Variants in FKBP8 observed in about 807,000 individuals in gnomAD.
FKBP8 encodes the protein peptidyl-prolyl cis-trans isomerase FKBP8.
In FKBP8, 5 loss-of-function variants were observed where a neutral mutation model predicts 41.7. The observed-to-expected ratio is 0.12, with a 90% CI of 0.06 to 0.25. The LOEUF (loss-of-function observed/expected upper bound fraction) is 0.25. Among genes scored for constraint, FKBP8 ranks in the 10% least tolerant of loss-of-function variants. FKBP8 has a pLI of 1.00. For synonymous variants in FKBP8, 279 were observed against 254.5 expected, an observed-to-expected ratio of 1.10 and a Z score of -0.92; for missense variants, 397 against 563.0, an observed-to-expected ratio of 0.71 and a Z score of 2.98.
rs755894944 is a variant in FKBP8, at chr19:18,532,252, T to G, written c.1159A>C (p.Ile387Leu). Residue 387 changes from isoleucine to leucine, a missense_variant, in exon 9 of 9, where the codon ATC becomes CTC. By Grantham distance (5) the Ile-to-Leu change is conservative. Coordinates refer to ENST00000608443, the MANE Select transcript of FKBP8 (RefSeq NM_012181.5). Reference sequence around the variant, plus strand: ...GCCCCAAACAGCCACTTCCATGGGATGGACTGTGGATAAAAAGGAGGGGAG... The same window carrying G: ...GCCCCAAACAGCCACTTCCATGGGAGGGACTGTGGATAAAAAGGAGGGGAG... ...AKCPGKGAWS[I>L]PWKWLFGATA... 4 of 1,604,140 alleles carry G rather than the reference T, an allele frequency of 2.5e-6. No individual in the cohort carries two copies. The highest frequency in any genetic ancestry group is 3.4e-6 in the Non-Finnish European group (4 of 1,176,064).
At chr19:18,534,578 T>G (rs969877235) in intron 6 of FKBP8, among the ~76,000 whole-genome samples, 8 of 137,556 alleles carry the variant, frequency 5.8e-5, no homozygotes, top group Non-Finnish European at 1.3e-4. Flanking sequence ...GAGGTTGTTG[T>G]TTTTTTTTTC....
chr19:18,543,323 C>A (rs1976753007), intron 1 of FKBP8, 163 bp downstream of exon 1: 1 of 118,136 alleles, frequency 8.5e-6, no homozygotes, highest in African/African-American at 3.2e-5. Flanking sequence ...CCCGGCCGCG[C>A]CCCCTCGGGC....
rs1008681600 is a variant in FKBP8 at position 18,538,211 on chromosome 19, G to C, written c.772+5C>G. 1.3e-6 allele frequency: 2 copies of C among 1,598,514 alleles called. No individual in the cohort carries two copies. The highest frequency in any genetic ancestry group is 1.7e-6 in the Non-Finnish European group (2 of 1,168,746). ...AGATGGTGGAGATCTGACCCAGGCG[G>C]TCACCTTTGGCGCTGGAGGTGATAG... On this transcript the variant is annotated splice_donor_5th_base_variant and intron_variant, in intron 5 of 8. Transcript: ENST00000608443. The surrounding 1 kb of genome is among the most constrained non-coding windows in gnomAD (Gnocchi z 4.0).
intron 1 of FKBP8, chr19:18,542,765 G>A: frequency 1.8e-6 from 1 of 552,526 alleles, no homozygotes; most frequent in Non-Finnish European, 3.0e-6. Context: ...ACATTCTACA[G>A]CCTCTTCCTT....
At chr19:18,535,746 G>C (rs1976558951) in intron 6 of FKBP8, among the ~76,000 whole-genome samples, 1 of 150,808 alleles carries the variant, frequency 6.6e-6, no homozygotes, top group African/African-American at 2.4e-5. Flanking sequence ...AAAAGGAGGG[G>C]GTAGAAGATG....
chr19:18,541,572 G>A (rs956865908), intron 2 of FKBP8, 107 bp downstream of exon 2: 68 of 1,473,542 alleles, frequency 4.6e-5, no homozygotes, highest in Middle Eastern at 4.0e-4. Flanking sequence ...TGGTGATCAC[G>A]GTGGTGACCA....
At chr19:18,540,437 C>T (rs558501187) in intron 2 of FKBP8, among the ~76,000 whole-genome samples, 1 of 152,094 alleles carries the variant, frequency 6.6e-6, no homozygotes, top group East Asian at 1.9e-4. Flanking sequence ...CCCATCTCTA[C>T]AAAAAATAAA....
intron 7 of FKBP8, 22 bp downstream of exon 7, chr19:18,533,248 A>C: frequency 6.5e-7 from 1 of 1,548,442 alleles, no homozygotes. Flanking sequence ...AGCAAGTCCC[A>C]GGGCACCCCT....
intron 4 of FKBP8, 69 bp downstream of exon 4, chr19:18,539,302 G>A (rs527399965): frequency 8.3e-5 from 115 of 1,389,860 alleles, no homozygotes; most frequent in African/African-American, 7.4e-4. Flanking sequence ...GGGGTGAGCC[G>A]AGGGGTACAC....
chr19:18,532,365 CTATG>C, intron 8 of FKBP8, 110 bp from the exon 9 acceptor site: 1 of 1,125,592 alleles, frequency 8.9e-7, no homozygotes, highest in Non-Finnish European at 1.3e-6. Flanking sequence ...CATTGCCTGA[CTATG>C]TATTTCCCAC....
Position 18,541,836 on chromosome 19 carries a change from TTCCTCCTCTTCC to T in FKBP8, c.123_134del (p.Glu43_Glu46del), listed in dbSNP as rs768417071. The T allele has an allele frequency of 8.7e-5, 140 of 1,613,318 alleles. 1 individual carries two copies. The South Asian group carries it at 9.6e-4, about 11-fold the overall frequency. ...GTGGCAGCTCACTCAGGTCATCCTC[TTCCTCCTCTTCC>T]TCCTCCTCTTCCTCCTCACCCTCTG... On this transcript the variant is annotated inframe_deletion, in exon 2 of 9. Transcript: ENST00000608443.
rs1163440455 is a variant in FKBP8 at position 18,532,387 on chromosome 19, C to T, written c.1156-132G>A. ...TGACTATGTATTTCCCACTTCCTGG[C>T]AAACTCCTACTCATGCAGCAAAACC... On this transcript the variant is annotated intron_variant, in intron 8 of 8. Transcript: ENST00000608443. 3 of 1,010,678 alleles carry T rather than the reference C, an allele frequency of 3.0e-6. No homozygotes were observed. The South Asian group carries it at 4.4e-5, about 15-fold the overall frequency. The allele number at this position is 1,010,678 out of a possible 1,614,324, so 62.6% of individuals were successfully genotyped here.
rs1976707784 is a variant in FKBP8 at position 18,541,760 on chromosome 19, C to A, written c.211G>T (p.Ala71Ser). Residue 71 changes from alanine (A) to serine (S), a missense_variant, in exon 2 of 9, where the codon GCC becomes TCC. Physicochemically the swap from Ala to Ser is moderately conservative, Grantham distance 99. Coordinates refer to ENST00000608443, the MANE Select transcript of FKBP8 (RefSeq NM_012181.5). Reference protein sequence around the residue: ...PPAEEAEQPGALAREFLAAME... With the variant: ...PPAEEAEQPGSLAREFLAAME... ...GCAGCAAGGAACTCTCGGGCCAGGG[C>A]CCCAGGCTGCTCAGCCTCCTCCGCC... 2 of 1,613,844 alleles carry A rather than the reference C, an allele frequency of 1.2e-6. No homozygotes were observed. The highest frequency in any genetic ancestry group is 1.7e-6 in the Non-Finnish European group (2 of 1,179,990).
chr19:18,533,005 A>AG lies in FKBP8; in HGVS notation c.1024-211dup. Reference sequence around the variant, plus strand: ...TGGCGCAGAGCACAAGGTAGCCAGGAGACAAAAGGTTCTGGAAGGAAGGCC... The same window carrying AG: ...TGGCGCAGAGCACAAGGTAGCCAGGAGGACAAAAGGTTCTGGAAGGAAGGCC... On this transcript the variant is annotated intron_variant, in intron 7 of 8. Coordinates refer to ENST00000608443, the MANE Select transcript of FKBP8 (RefSeq NM_012181.5). 3 of 835,474 alleles carry AG rather than the reference A, an allele frequency of 3.6e-6. No homozygotes were observed. The East Asian group carries it at 8.1e-5, about 23-fold the overall frequency. 51.8% of individuals were successfully genotyped at this position (835,474 alleles called of 1,614,324 possible).
At chr19:18,541,583 C>T (rs942964848) in intron 2 of FKBP8, 96 bp downstream of exon 2, 8 of 1,506,790 alleles carry the variant, frequency 5.3e-6, no homozygotes, top group East Asian at 2.3e-5. Flanking sequence ...GTGGTGACCA[C>T]GTGACTTCCA....
chr19:18,541,578 G>T (rs915408455), intron 2 of FKBP8, 101 bp downstream of exon 2: 1 of 1,492,360 alleles, frequency 6.7e-7, no homozygotes, highest in South Asian at 1.4e-5. Context: ...TCACGGTGGT[G>T]ACCACGTGAC....
chr19:18,533,649 A>G (rs964007025), intron 6 of FKBP8, among the ~76,000 whole-genome samples: 1 of 151,244 alleles, frequency 6.6e-6, no homozygotes, highest in Non-Finnish European at 1.5e-5. Flanking sequence ...AGTTGCAGTG[A>G]GCCGAGATCA....
intron 1 of FKBP8, chr19:18,542,935 A>AACC: frequency 1.7e-6 from 1 of 578,558 alleles, no homozygotes; most frequent in Non-Finnish European, 2.4e-6. Flanking sequence ...AGACCCTCCC[A>AACC]GCCCCCACCC....
intron 8 of FKBP8, 129 bp from the exon 9 acceptor site, chr19:18,532,384 T>C (rs542292147): frequency 2.1e-4 from 220 of 1,034,132 alleles, no homozygotes; most frequent in Non-Finnish European, 3.0e-4. Flanking sequence ...TCCCACTTCC[T>C]GGCAAACTCC....
Sources: gnomAD v4.1 joint callset for allele counts (sites outside exome capture counted in the v4.1 genomes callset) on GRCh38, gnomAD v4.1.1 for gene constraint, Gnocchi (gnomAD v3.1) non-coding constraint, MANE v1.5 for transcripts, NCBI Gene and HGNC (gene_info 2026-07-23, HGNC 2026-07-21) for gene names.